Variants in LRP1B observed in about 807,000 individuals in gnomAD.
LRP1B encodes the protein LDL receptor related protein 1B.
Under a neutral mutation model 556.6 loss-of-function variants are expected in LRP1B, and 217 were observed. That is an observed-to-expected ratio of 0.39 (90% confidence interval 0.35 to 0.44). The LOEUF is 0.44. Ranked by LOEUF, LRP1B falls within the 20% of genes least tolerant of loss-of-function variation. The pLI, the probability that LRP1B is intolerant of heterozygous loss-of-function variation, is 1.00. For synonymous variants in LRP1B, 2,047 were observed against 1,865.8 expected, an observed-to-expected ratio of 1.10 and a Z score of -2.50; for missense variants, 5,053 against 5,620.8, an observed-to-expected ratio of 0.90 and a Z score of 3.23.
At chr2:140,475,702 C>T (rs1687947290) in intron 59 of LRP1B, among the ~76,000 whole-genome samples, 1 of 151,538 alleles carries the variant, frequency 6.6e-6, no homozygotes, top group Non-Finnish European at 1.5e-5. Flanking sequence ...TATACTTTCT[C>T]TTTTGGTGTG....
chr2:140,281,849 A>C (rs901101417), intron 84 of LRP1B, among the ~76,000 whole-genome samples: 1 of 151,720 alleles, frequency 6.6e-6, no homozygotes, highest in African/African-American at 2.4e-5. Flanking sequence ...GAGGCAGTAG[A>C]TCCTATGAAT....
chr2:140,535,311 T>C (rs1690900854), intron 46 of LRP1B, among the ~76,000 whole-genome samples: 1 of 152,172 alleles, frequency 6.6e-6, no homozygotes, highest in Non-Finnish European at 1.5e-5. Context: ...TGCAATACAA[T>C]TTATATGCTT....
At chr2:141,632,485 G>A (rs557041854) in intron 2 of LRP1B, among the ~76,000 whole-genome samples, 111 of 152,128 alleles carry the variant, frequency 7.3e-4, no homozygotes, top group African/African-American at 2.5e-3. Context: ...GAATATTTCC[G>A]GGAGGCATTT....
At chr2:141,516,811 C>T (rs1268683821) in intron 2 of LRP1B, among the ~76,000 whole-genome samples, 1 of 150,860 alleles carries the variant, frequency 6.6e-6, no homozygotes, top group Non-Finnish European at 1.5e-5. Flanking sequence ...GATTCTCTTG[C>T]CTCAGCCTCC....
intron 15 of LRP1B, among the ~76,000 whole-genome samples, chr2:141,003,439 G>A (rs1697482220): frequency 6.6e-6 from 1 of 151,998 alleles, no homozygotes. Flanking sequence ...ATCTTGAATT[G>A]TAACTCCCAC....
At chr2:141,702,377 C>T (rs565825763) in intron 2 of LRP1B, among the ~76,000 whole-genome samples, 1 of 152,004 alleles carries the variant, frequency 6.6e-6, no homozygotes, top group South Asian at 2.1e-4. Context: ...TATAATGTAA[C>T]CGTTGTCCCC....
intron 2 of LRP1B, among the ~76,000 whole-genome samples, chr2:141,775,854 T>A (rs1291829064): frequency 6.6e-6 from 1 of 151,402 alleles, no homozygotes; most frequent in Admixed American, 6.6e-5. Flanking sequence ...TTTTTTTTTT[T>A]TTTTCTGAGA....
At chr2:141,471,858 C>A (rs1458762242) in intron 3 of LRP1B, among the ~76,000 whole-genome samples, 1 of 152,146 alleles carries the variant, frequency 6.6e-6, no homozygotes, top group Non-Finnish European at 1.5e-5. Context: ...TGGCCTCATA[C>A]TCATTATATT....
chr2:141,146,880 C>T (rs762757054), intron 7 of LRP1B, among the ~76,000 whole-genome samples: 1 of 152,152 alleles, frequency 6.6e-6, no homozygotes. Flanking sequence ...GCTGGTTTCT[C>T]TCTATTTTCC....
chr2:141,612,389 T>G (rs1267243768), intron 2 of LRP1B, among the ~76,000 whole-genome samples: 1 of 152,162 alleles, frequency 6.6e-6, no homozygotes, highest in Non-Finnish European at 1.5e-5. Flanking sequence ...GAATCCCTAT[T>G]AGAGATGTCA....
chr2:140,986,112 G>T (rs56705371), intron 17 of LRP1B, among the ~76,000 whole-genome samples: 11,157 of 73,986 alleles, frequency 0.15, 574 homozygotes, highest in African/African-American at 0.3. Flanking sequence ...CAATTTAGTG[G>T]TTTTTTTTTC....
intron 83 of LRP1B, among the ~76,000 whole-genome samples, chr2:140,299,198 C>T (rs1002987895): frequency 2.0e-5 from 3 of 152,006 alleles, no homozygotes; most frequent in Admixed American, 2.0e-4. Flanking sequence ...ATAGATTCTA[C>T]ATTGAAGAAG....
intron 5 of LRP1B, among the ~76,000 whole-genome samples, chr2:141,246,448 T>C (rs886575596): frequency 4.6e-5 from 7 of 152,206 alleles, no homozygotes; most frequent in Non-Finnish European, 1.0e-4. Flanking sequence ...GATTTTATTT[T>C]CAAGGTAGGT....
At chr2:141,554,039 ATAT>A (rs1158246748) in intron 2 of LRP1B, among the ~76,000 whole-genome samples, 1 of 141,778 alleles carries the variant, frequency 7.1e-6, no homozygotes, top group Non-Finnish European at 1.5e-5. Flanking sequence ...TTATATATCT[ATAT>A]TAATAGACAT....
chr2:140,348,852 G>A (rs1177805376), intron 77 of LRP1B, among the ~76,000 whole-genome samples: 2 of 152,020 alleles, frequency 1.3e-5, no homozygotes, highest in Non-Finnish European at 2.9e-5. Flanking sequence ...AATAAATTTT[G>A]TGAATTCTGT....
intron 36 of LRP1B, 58 bp downstream of exon 36, chr2:140,716,624 G>T (rs1687219843): frequency 5.9e-6 from 9 of 1,523,658 alleles, no homozygotes; most frequent in Admixed American, 4.2e-5. Flanking sequence ...TTATGAAGCA[G>T]TTTGAGCCCC....
At chr2:141,633,690 T>G (rs1474771257) in intron 2 of LRP1B, among the ~76,000 whole-genome samples, 1 of 152,178 alleles carries the variant, frequency 6.6e-6, no homozygotes, top group East Asian at 1.9e-4. Flanking sequence ...GTTGTGCAAC[T>G]ATCACCAACA....
At chr2:142,050,615 G>A (rs894478567) in intron 1 of LRP1B, among the ~76,000 whole-genome samples, 1 of 152,014 alleles carries the variant, frequency 6.6e-6, no homozygotes, top group Non-Finnish European at 1.5e-5. Flanking sequence ...ACCTTAAAGA[G>A]AATATTTAAA....
At chr2:141,447,956 C>T (rs756448510) in intron 3 of LRP1B, among the ~76,000 whole-genome samples, 9 of 152,168 alleles carry the variant, frequency 5.9e-5, no homozygotes, top group South Asian at 2.1e-4. Context: ...CTGGGAGATC[C>T]GCTGCTGTCT....
Sources: allele counts gnomAD v4.1 joint callset (sites outside exome capture counted in the v4.1 genomes callset), GRCh38; gene constraint gnomAD v4.1.1; transcripts MANE v1.5; gene names NCBI Gene and HGNC (gene_info 2026-07-23, HGNC 2026-07-21).